FHDC1: variants seen among roughly 807,000 people sequenced by gnomAD.
FHDC1 encodes FH2 domain-containing protein 1.
In FHDC1, 25 loss-of-function variants were observed where a neutral mutation model predicts 52.6. That is an observed-to-expected ratio of 0.48 (90% CI 0.35 to 0.66). The LOEUF (loss-of-function observed/expected upper bound fraction) is 0.66. Among genes scored for constraint, FHDC1 ranks in the 30% least tolerant of loss-of-function variants. FHDC1 has a pLI of 0.01. For synonymous variants in FHDC1, 616 were observed against 581.5 expected (o/e 1.06, Z -0.85); for missense variants, 1,459 against 1,452.8 (o/e 1.00, Z -0.07).
At chr4:152,933,804 A>G (rs1195503999), upstream of FHDC1, among the ~76,000 whole-genome samples, 1 of 151,930 alleles carries the variant, frequency 6.6e-6, no homozygotes, top group Non-Finnish European at 1.5e-5. Flanking sequence ...GCTTGAGTGA[A>G]ATGGGACGCA....
At chr4:152,913,441 C>T in the FHDC1 span, among the ~76,000 whole-genome samples, 1 of 152,164 alleles carries the variant, frequency 6.6e-6, no homozygotes, top group South Asian at 2.1e-4. Context: ...ATGTAGCTAC[C>T]TCAAAATGTG....
intron 2 of FHDC1, among the ~76,000 whole-genome samples, chr4:152,952,646 G>A (rs1739961621): frequency 6.6e-6 from 1 of 152,150 alleles, no homozygotes; most frequent in Non-Finnish European, 1.5e-5. Context: ...GTATGCAGGA[G>A]GTTGTGCATA....
chr4:152,921,358 A>G, the FHDC1 span, among the ~76,000 whole-genome samples: 5 of 152,116 alleles, frequency 3.3e-5, no homozygotes, highest in African/African-American at 1.2e-4. Flanking sequence ...ATTCTAACTT[A>G]TATGACAAGT....
At chr4:152,929,804 G>A in the FHDC1 span, among the ~76,000 whole-genome samples, 2 of 152,182 alleles carry the variant, frequency 1.3e-5, no homozygotes, top group African/African-American at 4.8e-5. This position sits in a 1 kb window ranked among gnomAD's most constrained non-coding sequence, Gnocchi z 4.1. Context: ...TGCCGTAAAG[G>A]AGGGAATGCA....
Position 152,975,058 on chromosome 4 carries a change from AG to A in FHDC1, c.1768del (p.Glu590LysfsTer2). On this transcript the variant is annotated frameshift_variant, in exon 12 of 12. Coordinates refer to ENST00000511601, the MANE Select transcript of FHDC1 (RefSeq NM_001371116.1). LOFTEE classifies it low-confidence loss of function (END_TRUNC). ...CCACGATAGCCTGCCTGGAGCCTGCAGAAGTGAGGCACCAGGACTCCAGCTT... is the reference window on the plus strand; with the variant it reads ...CCACGATAGCCTGCCTGGAGCCTGCAAAGTGAGGCACCAGGACTCCAGCTT... Reference protein sequence around the residue: ...RPTIACLEPAEVRHQDSSFAH... With the variant: ...RPTIACLEPAXVRHQDSSFAH... 6.2e-7 allele frequency: 1 copy of A among 1,612,440 alleles called. No individual in the cohort carries two copies. Among genetic ancestry groups the A allele is most frequent in the Non-Finnish European group, 8.5e-7 (1 of 1,179,710 alleles).
the FHDC1 span, among the ~76,000 whole-genome samples, chr4:152,925,492 AGAAAGAGTCT>A: frequency 6.6e-6 from 1 of 152,218 alleles, no homozygotes; most frequent in Admixed American, 6.5e-5. Flanking sequence ...AGGTACAGAG[AGAAAGAGTCT>A]GATGGAAATA....
At position 152,960,863 on chromosome 4, in the gene FHDC1, C is replaced by T. The variant is rs752524912; in HGVS notation, c.850+19C>T. On this transcript the variant is annotated intron_variant, in intron 6 of 11. Coordinates refer to ENST00000511601, the MANE Select transcript of FHDC1 (RefSeq NM_001371116.1). ...ATAAAAGGTGAGTCAACATATGATC[C>T]TTCGCAGAATTTGTTTTTATTAATT... 44 of 1,517,822 alleles carry T rather than the reference C, an allele frequency of 2.9e-5. No individual in the cohort carries two copies. The East Asian group carries it at 8.5e-4, about 29-fold the overall frequency. 94.0% of individuals were successfully genotyped at this position (1,517,822 alleles called of 1,614,324 possible).
chr4:152,914,305 C>G, the FHDC1 span, among the ~76,000 whole-genome samples: 3 of 152,114 alleles, frequency 2.0e-5, no homozygotes, highest in African/African-American at 7.2e-5. Flanking sequence ...TAATAAATTG[C>G]CAAGTGGTCA....
At chr4:152,920,263 A>G in the FHDC1 span, among the ~76,000 whole-genome samples, 1 of 152,190 alleles carries the variant, frequency 6.6e-6, no homozygotes, top group African/African-American at 2.4e-5. Flanking sequence ...GTTCTTTATT[A>G]TAGTATCTAT....
intron 8 of FHDC1, among the ~76,000 whole-genome samples, chr4:152,963,786 T>TTG (rs1334468816): frequency 7.0e-4 from 98 of 140,290 alleles, no homozygotes; most frequent in African/African-American, 2.4e-3. Flanking sequence ...TTTTTTTTTT[T>TTG]TTTTTTTTTT....
intron 2 of FHDC1, among the ~76,000 whole-genome samples, chr4:152,946,212 A>G (rs1371219431): frequency 6.6e-6 from 1 of 152,208 alleles, no homozygotes; most frequent in East Asian, 1.9e-4. Flanking sequence ...TTTGCTTTTA[A>G]TACTTGTAGG....
At chr4:152,935,935 A>C (rs1258704796), upstream of FHDC1, among the ~76,000 whole-genome samples, 2 of 152,146 alleles carry the variant, frequency 1.3e-5, no homozygotes, top group Non-Finnish European at 2.9e-5. Context: ...TGTGAAAGGC[A>C]CTTGCAGGTT....
intron 3 of FHDC1, 44 bp downstream of exon 3, chr4:152,953,604 G>A (rs1318040445): frequency 6.6e-7 from 1 of 1,524,776 alleles, no homozygotes; most frequent in African/African-American, 1.4e-5. Flanking sequence ...TATCCCTGCT[G>A]TCAGCATCAA....
chr4:152,975,945 G>C lies in FHDC1; in HGVS notation c.2654G>C (p.Gly885Ala), dbSNP rs1203178210. ...CCCGGGAGCGCCCGGCGGAGCCAGG[G>C]GGCAGTGGCCAAGTCTGTGCGGACC... ...SKPGSARRSQ[G>A]AVAKSVRTLT... The change falls in exon 12 of 12, where the codon GGG (glycine) becomes GCG (alanine). Residue 885 changes from glycine (G) to alanine (A), a missense_variant. Transcript: ENST00000511601. The C allele has an allele frequency of 6.6e-7, 1 of 1,514,666 alleles. No homozygotes were observed. Among genetic ancestry groups the C allele is most frequent in the Non-Finnish European group, 8.8e-7 (1 of 1,133,834 alleles). 93.8% of individuals were successfully genotyped at this position (1,514,666 alleles called of 1,614,324 possible).
At chr4:152,967,733 G>C (rs1279196587) in intron 9 of FHDC1, among the ~76,000 whole-genome samples, 1 of 152,186 alleles carries the variant, frequency 6.6e-6, no homozygotes, top group Admixed American at 6.5e-5. Flanking sequence ...CCATGGTTTT[G>C]TTTATCTTAC....
At chr4:152,914,288 G>T in the FHDC1 span, among the ~76,000 whole-genome samples, 1 of 152,118 alleles carries the variant, frequency 6.6e-6, no homozygotes, top group East Asian at 1.9e-4. Context: ...GCATAAATGG[G>T]CCTTTATAAT....
chr4:152,962,978 T>TGC, intron 7 of FHDC1, 45 bp from the exon 8 acceptor site: 1 of 1,540,576 alleles, frequency 6.5e-7, no homozygotes, highest in Non-Finnish European at 8.9e-7. Flanking sequence ...TGTGTGTGTG[T>TGC]GTGTATGTAT....
At chr4:152,918,489 C>T in the FHDC1 span, 5 of 152,224 alleles carry the variant, frequency 3.3e-5, no homozygotes, top group Non-Finnish European at 5.9e-5. Flanking sequence ...TTATCAAGGC[C>T]ATACTTAGTC....
rs1383543247 is a variant in FHDC1 at position 152,943,485 on chromosome 4, A to T, written c.428A>T (p.Asp143Val). 1 of 1,614,182 alleles carries T rather than the reference A, an allele frequency of 6.2e-7. No homozygotes were observed. Among genetic ancestry groups the T allele is most frequent in the Non-Finnish European group, 8.5e-7 (1 of 1,180,032 alleles). The change falls in exon 2 of 12, where the codon GAC (aspartate) becomes GTC (valine). Residue 143 changes from aspartate to valine, a missense_variant. By Grantham distance (152) the Asp-to-Val change is radical (BLOSUM62 -3). Around this residue, in one of 3 missense-constraint regions of FHDC1, gnomAD observed 513 missense variants for 581.5 expected, o/e 0.88. Transcript: ENST00000511601. ...GAGGAGCTCTTTGGGCAGCAGGAAGACACCACCAAGTCTTCCCTTCCTAGG... is the reference window on the plus strand; with the variant it reads ...GAGGAGCTCTTTGGGCAGCAGGAAGTCACCACCAAGTCTTCCCTTCCTAGG... ...TIEELFGQQE[D>V]TTKSSLPRRG...
Sources: gnomAD v4.1 joint callset for allele counts (sites outside exome capture counted in the v4.1 genomes callset) on GRCh38, gnomAD v4.1.1 for gene constraint, gnomAD v4.1.1 regional missense constraint, Gnocchi (gnomAD v3.1) non-coding constraint, MANE v1.5 for transcripts, NCBI Gene and HGNC (gene_info 2026-07-23, HGNC 2026-07-21) for gene names.